The following SOX5 variants were observed in gnomAD, a reference collection of about 807,000 sequenced individuals.
SOX5 encodes the protein transcription factor SOX-5.
Under a neutral mutation model 92.0 loss-of-function variants are expected in SOX5, and 9 were observed. The ratio of observed to expected loss-of-function variants is 0.10; its 90% CI spans 0.06 to 0.17. The LOEUF (loss-of-function observed/expected upper bound fraction) is 0.17. SOX5 is among the 10% of genes least tolerant of loss of function. SOX5 has a pLI of 1.00. For missense variants in SOX5, 642 were observed against 944.5 expected (o/e 0.68, Z 4.20); for synonymous variants, 344 against 336.3 (o/e 1.02, Z -0.25).
Position 23,777,355 on chromosome 12 carries a change from T to C in SOX5, c.482-21631A>G, listed in dbSNP as rs115839954. Among the ~76,000 whole-genome samples, 696 of 152,308 alleles carry C rather than the reference T, an allele frequency of 4.6e-3. 7 individuals carry two copies. Among genetic ancestry groups the C allele is most frequent in the African/African-American group, 0.016 (673 of 41,572 alleles). On this transcript the variant is annotated intron_variant, in intron 3 of 14. Coordinates refer to ENST00000451604, the MANE Select transcript of SOX5 (RefSeq NM_006940.6). ...TGGATACAGGCAGGGATACTCTTGT[T>C]AGATCTAATTAAATATATTAAGACA...
At chr12:23,855,221 T>G (rs2096673888) in intron 2 of SOX5, among the ~76,000 whole-genome samples, 4 of 152,032 alleles carry the variant, frequency 2.6e-5, no homozygotes, top group Non-Finnish European at 5.9e-5. Context: ...AAGATTTTTT[T>G]AATAATTTAA....
intron 1 of SOX5, among the ~76,000 whole-genome samples, chr12:24,432,880 C>T (rs752026672): frequency 4.9e-4 from 75 of 151,940 alleles, no homozygotes; most frequent in Non-Finnish European, 2.2e-4. Context: ...GAGTATGATC[C>T]AACTCTTATT....
At chr12:24,157,615 T>G (rs1387644443) in intron 4 of SOX5, among the ~76,000 whole-genome samples, 1 of 152,130 alleles carries the variant, frequency 6.6e-6, no homozygotes, top group Non-Finnish European at 1.5e-5. Context: ...TGGGTCAATG[T>G]ACTCTGAATT....
chr12:23,905,529 T>C (rs188390248), intron 1 of SOX5, among the ~76,000 whole-genome samples: 25 of 152,346 alleles, frequency 1.6e-4, no homozygotes, highest in African/African-American at 6.0e-4. Flanking sequence ...ATTATTTTGA[T>C]ATTAATCCAT....
chr12:23,957,515 C>T (rs969026142), intron 4 of SOX5, among the ~76,000 whole-genome samples: 1 of 152,154 alleles, frequency 6.6e-6, no homozygotes, highest in African/African-American at 2.4e-5. Flanking sequence ...GGGTTGTTGT[C>T]TCTATCAAAA....
rs2095292647 is a variant in SOX5 at position 23,782,116 on chromosome 12, G to A, written c.482-26392C>T. 3.3e-5 allele frequency among the ~76,000 whole-genome samples: 5 copies of A among 151,846 alleles called. No individual in the cohort carries two copies. In the South Asian group the frequency reaches 1.0e-3, roughly 31 times the overall value. On this transcript the variant is annotated intron_variant, in intron 3 of 14. Coordinates refer to ENST00000451604, the MANE Select transcript of SOX5 (RefSeq NM_006940.6). ...AATATCCACTAGTATATTAAGTAGT[G>A]GTATAATTTCAGTTTCCAACTCTAG...
intron 3 of SOX5, among the ~76,000 whole-genome samples, chr12:24,274,596 C>T (rs879684984): frequency 5.3e-5 from 8 of 151,418 alleles, no homozygotes; most frequent in Non-Finnish European, 7.4e-5. Flanking sequence ...CTGTCTCCAA[C>T]GTCTATGCTT....
At chr12:24,169,878 A>T (rs1028660614) in intron 4 of SOX5, among the ~76,000 whole-genome samples, 5 of 152,146 alleles carry the variant, frequency 3.3e-5, no homozygotes, top group African/African-American at 1.2e-4. Context: ...CGCCACCCCA[A>T]TCTCAAGGCT....
chr12:23,707,562 T>C (rs895609826), intron 6 of SOX5, among the ~76,000 whole-genome samples: 3 of 152,152 alleles, frequency 2.0e-5, no homozygotes, highest in Non-Finnish European at 2.9e-5. Context: ...GAGCAACGAT[T>C]ATGTGCTACA....
Position 23,842,199 on chromosome 12 carries a change from C to T in SOX5, c.481+3784G>A, listed in dbSNP as rs375765073. 5.9e-4 allele frequency among the ~76,000 whole-genome samples: 90 copies of T among 152,142 alleles called. 2 individuals are homozygous for T. Among genetic ancestry groups the T allele is most frequent in the African/African-American group, 1.9e-3 (79 of 41,518 alleles). On this transcript the variant is annotated intron_variant, in intron 3 of 14. Transcript: ENST00000451604. ...AGAAAGATATTTCCTATGGTAGTAG[C>T]AGTTAATTATTCTGATACTCTTCTA...
At chr12:24,005,117 G>A (rs1279926080) in intron 4 of SOX5, among the ~76,000 whole-genome samples, 1 of 151,804 alleles carries the variant, frequency 6.6e-6, no homozygotes, top group Non-Finnish European at 1.5e-5. Context: ...GTATCTTTTT[G>A]AGGATGATGG....
At chr12:24,364,074 G>C (rs959472774) in intron 2 of SOX5, among the ~76,000 whole-genome samples, 2 of 152,110 alleles carry the variant, frequency 1.3e-5, no homozygotes, top group Non-Finnish European at 2.9e-5. Context: ...CCCAGTTAGA[G>C]AAAAATCCCA....
chr12:23,877,692 T>C (rs147036853), intron 2 of SOX5, among the ~76,000 whole-genome samples: 18 of 152,176 alleles, frequency 1.2e-4, no homozygotes, highest in African/African-American at 3.9e-4. Context: ...ATACAAAAAA[T>C]TGGGATATAC....
At chr12:24,375,867 C>T (rs961526918) in intron 1 of SOX5, among the ~76,000 whole-genome samples, 12 of 152,080 alleles carry the variant, frequency 7.9e-5, no homozygotes, top group African/African-American at 2.9e-4. Flanking sequence ...CAAATATTTC[C>T]CTATTTAAAT....
intron 3 of SOX5, among the ~76,000 whole-genome samples, chr12:23,761,525 C>T (rs1044605714): frequency 4.6e-5 from 7 of 151,990 alleles, no homozygotes; most frequent in Non-Finnish European, 7.4e-5. Flanking sequence ...CTGGTTTAGA[C>T]CAAACTTTTC....
intron 3 of SOX5, among the ~76,000 whole-genome samples, chr12:23,794,658 G>A (rs1369139539): frequency 2.6e-5 from 4 of 152,062 alleles, no homozygotes; most frequent in Non-Finnish European, 4.4e-5. Context: ...TAAGAAGAAC[G>A]TTTAAAAACT....
At chr12:24,116,833 A>T (rs1429362373) in intron 4 of SOX5, among the ~76,000 whole-genome samples, 1 of 152,194 alleles carries the variant, frequency 6.6e-6, no homozygotes, top group Non-Finnish European at 1.5e-5. Context: ...TGATGACAGT[A>T]TTTAAAATAC....
At chr12:23,627,420 C>T (rs1388309748) in intron 8 of SOX5, among the ~76,000 whole-genome samples, 1 of 152,068 alleles carries the variant, frequency 6.6e-6, no homozygotes, top group African/African-American at 2.4e-5. Context: ...CTCTATTTGC[C>T]TTAAACCTTT....
intron 3 of SOX5, among the ~76,000 whole-genome samples, chr12:23,812,136 C>A (rs1165495979): frequency 2.6e-5 from 4 of 151,940 alleles, no homozygotes; most frequent in Admixed American, 6.6e-5. Flanking sequence ...TGAAACAACA[C>A]TCAAAAGAAA....
Sources: gnomAD v4.1 joint callset for allele counts (sites outside exome capture counted in the v4.1 genomes callset) on GRCh38, gnomAD v4.1.1 for gene constraint, MANE v1.5 for transcripts, NCBI Gene and HGNC (gene_info 2026-07-23, HGNC 2026-07-21) for gene names.